Variants in GALNTL6 observed in about 807,000 individuals in gnomAD.
GALNTL6 encodes the protein polypeptide N-acetylgalactosaminyltransferase like 6.
Under a neutral mutation model 73.7 loss-of-function variants are expected in GALNTL6, and 46 were observed. The ratio of observed to expected loss-of-function variants is 0.62; its 90% CI spans 0.49 to 0.80. GALNTL6 has a LOEUF of 0.80. Ranked by LOEUF, GALNTL6 falls within the 30% of genes least tolerant of loss-of-function variation. The probability of loss-of-function intolerance (pLI) is 0.00; values close to 1 mark genes in which losing one functional copy is unlikely to be tolerated. For synonymous variants in GALNTL6, 259 were observed against 263.7 expected (o/e 0.98, Z 0.17); for missense variants, 604 against 755.0 (o/e 0.80, Z 2.34).
intron 5 of GALNTL6, among the ~76,000 whole-genome samples, chr4:172,577,989 A>G (rs1007330523): frequency 3.4e-4 from 52 of 152,302 alleles, no homozygotes; most frequent in Middle Eastern, 3.4e-3. Context: ...TAATGATGAC[A>G]ATCACCAGGC....
At chr4:172,952,525 GTTTTT>G in intron 10 of GALNTL6, among the ~76,000 whole-genome samples, 1 of 149,992 alleles carries the variant, frequency 6.7e-6, no homozygotes, top group South Asian at 2.1e-4. Context: ...TTTTGTTTTT[GTTTTT>G]TTTGAGATGG....
At chr4:172,612,273 C>A (rs1357492765) in intron 5 of GALNTL6, among the ~76,000 whole-genome samples, 1 of 151,840 alleles carries the variant, frequency 6.6e-6, no homozygotes, top group Non-Finnish European at 1.5e-5. Flanking sequence ...ACAGTGTTGT[C>A]AAAATAGATA....
chr4:173,006,144 A>G (rs1752273269), intron 10 of GALNTL6, among the ~76,000 whole-genome samples: 1 of 152,106 alleles, frequency 6.6e-6, no homozygotes, highest in African/African-American at 2.4e-5. Context: ...CCGACATAGG[A>G]GAGTAAGCTT....
chr4:172,285,253 A>G (rs1163576447), intron 3 of GALNTL6, among the ~76,000 whole-genome samples: 2 of 152,172 alleles, frequency 1.3e-5, no homozygotes, highest in Non-Finnish European at 2.9e-5. Context: ...GAGGAAATTT[A>G]TAGAAGCTTT....
chr4:172,525,839 G>A (rs1032737648), intron 5 of GALNTL6, among the ~76,000 whole-genome samples: 1 of 152,028 alleles, frequency 6.6e-6, no homozygotes, highest in African/African-American at 2.4e-5. Context: ...CTCCAGCCTG[G>A]GTGACAGAGC....
chr4:172,365,908 C>A (rs1742543087), intron 5 of GALNTL6, among the ~76,000 whole-genome samples: 1 of 151,608 alleles, frequency 6.6e-6, no homozygotes. Flanking sequence ...TATGTGCAGA[C>A]CCTGTCAAAA....
chr4:172,326,840 T>C (rs1740960386), intron 4 of GALNTL6, among the ~76,000 whole-genome samples: 3 of 151,968 alleles, frequency 2.0e-5, no homozygotes, highest in Non-Finnish European at 2.9e-5. Flanking sequence ...ATAATTCTTT[T>C]TGTGTTATTT....
intron 9 of GALNTL6, among the ~76,000 whole-genome samples, chr4:172,941,837 C>T (rs1353388567): frequency 6.6e-6 from 1 of 152,256 alleles, no homozygotes; most frequent in East Asian, 1.9e-4. Flanking sequence ...AATCCCACGT[C>T]TAAGCCATGG....
intron 2 of GALNTL6, among the ~76,000 whole-genome samples, chr4:172,116,529 C>G (rs561173145): frequency 6.6e-6 from 1 of 152,030 alleles, no homozygotes; most frequent in Non-Finnish European, 1.5e-5. Flanking sequence ...CTCACCTTCC[C>G]GAAGTGCTGG....
intron 2 of GALNTL6, among the ~76,000 whole-genome samples, chr4:171,875,145 T>A (rs943482239): frequency 3.7e-4 from 56 of 152,320 alleles, no homozygotes; most frequent in African/African-American, 1.2e-3. Context: ...CGATAGGTAC[T>A]ATTTTTTGAT....
At chr4:171,871,151 T>G (rs968950462) in intron 2 of GALNTL6, among the ~76,000 whole-genome samples, 10 of 152,286 alleles carry the variant, frequency 6.6e-5, no homozygotes, top group African/African-American at 2.2e-4. Context: ...TTCTTATTTG[T>G]GGGGAGTATG....
chr4:172,959,457 C>G (rs1401732813), intron 10 of GALNTL6, among the ~76,000 whole-genome samples: 1 of 152,012 alleles, frequency 6.6e-6, no homozygotes. Flanking sequence ...CCGTCAATAC[C>G]TACAACAGTT....
chr4:172,316,419 T>A (rs1405230869), intron 4 of GALNTL6, among the ~76,000 whole-genome samples: 1 of 152,198 alleles, frequency 6.6e-6, no homozygotes, highest in African/African-American at 2.4e-5. Context: ...GTATTGTGAC[T>A]TTTTATCATT....
chr4:172,244,414 T>C (rs1190759541), intron 3 of GALNTL6, among the ~76,000 whole-genome samples: 2 of 152,140 alleles, frequency 1.3e-5, no homozygotes, highest in Admixed American at 1.3e-4. Context: ...TATTAAAAGA[T>C]ATAAATAATG....
chr4:172,218,386 A>C (rs1015860552), intron 2 of GALNTL6, among the ~76,000 whole-genome samples: 1 of 151,820 alleles, frequency 6.6e-6, no homozygotes, highest in Non-Finnish European at 1.5e-5. Flanking sequence ...TTTTTCTTGG[A>C]TTTTCTTCAT....
intron 7 of GALNTL6, among the ~76,000 whole-genome samples, chr4:172,829,801 T>C (rs1173774367): frequency 6.6e-6 from 1 of 152,232 alleles, no homozygotes; most frequent in Non-Finnish European, 1.5e-5. Flanking sequence ...AAAATTCATC[T>C]TGGTCTGATG....
At chr4:172,670,706 T>A (rs933202994) in intron 5 of GALNTL6, among the ~76,000 whole-genome samples, 5 of 152,194 alleles carry the variant, frequency 3.3e-5, no homozygotes, top group Non-Finnish European at 5.9e-5. Context: ...TTTGGCATCT[T>A]CATTATAAAA....
At chr4:172,541,709 C>T (rs765521328) in intron 5 of GALNTL6, among the ~76,000 whole-genome samples, 37 of 152,136 alleles carry the variant, frequency 2.4e-4, no homozygotes, top group Admixed American at 6.5e-4. Flanking sequence ...TGAGCGGTGG[C>T]CCTGCTAGGA....
At chr4:172,821,247 A>G (rs2111023338) in intron 7 of GALNTL6, among the ~76,000 whole-genome samples, 1 of 152,330 alleles carries the variant, frequency 6.6e-6, no homozygotes, top group Non-Finnish European at 1.5e-5. Flanking sequence ...TATCGTGATG[A>G]ATAAGAGACA....
Sources: gnomAD v4.1 joint callset for allele counts (sites outside exome capture counted in the v4.1 genomes callset) on GRCh38, gnomAD v4.1.1 for gene constraint, MANE v1.5 for transcripts, NCBI Gene and HGNC (gene_info 2026-07-23, HGNC 2026-07-21) for gene names.